ZNF559: variants seen among roughly 807,000 people sequenced by gnomAD.
ZNF559 encodes the protein putative protein product of Nbla00121.
A neutral mutation model predicts 14.2 loss-of-function variants in ZNF559; 17 were observed. The ratio of observed to expected loss-of-function variants is 1.20; its 90% CI spans 0.82 to 1.80. The LOEUF (loss-of-function observed/expected upper bound fraction) is 1.80. Among genes scored for constraint, ZNF559 ranks in the 40% most tolerant of loss-of-function variants. The pLI, the probability that ZNF559 is intolerant of heterozygous loss-of-function variation, is 0.00. For synonymous variants in ZNF559, 244 were observed against 212.4 expected (o/e 1.15, Z -1.29); for missense variants, 740 against 629.7 (o/e 1.18, Z -1.88).
intron 2 of ZNF559, among the ~76,000 whole-genome samples, chr19:9,325,636 C>G (rs769446904): frequency 6.6e-6 from 1 of 151,900 alleles, no homozygotes; most frequent in Non-Finnish European, 1.5e-5. Context: ...ACTCAAAATA[C>G]AAAAAATTAG....
rs889075636 is a variant in ZNF559 at position 9,329,952 on chromosome 19, G to A, written c.-120+5172G>A. ...GCTGGGATTACAGGTGTGAGCCACC[G>A]TGCCCCACCTGTTTGTTTTAACCAT... On this transcript the variant is annotated intron_variant, in intron 2 of 6. Coordinates refer to ENST00000603380, the MANE Select transcript of ZNF559 (RefSeq NM_032497.3). 3.3e-5 allele frequency among the ~76,000 whole-genome samples: 5 copies of A among 152,090 alleles called. No homozygotes were observed. In the East Asian group the frequency reaches 5.8e-4, roughly 18 times the overall value.
rs996222704 is a variant in ZNF559, at chr19:9,343,059, A to C, written c.1608A>C (p.Glu536Asp). 7.5e-6 allele frequency: 12 copies of C among 1,608,906 alleles called. No individual in the cohort carries two copies. The highest frequency in any genetic ancestry group is 2.7e-5 in the African/African-American group (2 of 74,838). The change falls in exon 7 of 7, where the codon GAA becomes GAC. Residue 536 changes from glutamate (E) to aspartate (D), a missense_variant. Coordinates refer to ENST00000603380, the MANE Select transcript of ZNF559 (RefSeq NM_032497.3). The stretch of plus-strand genomic sequence containing the variant: ...TTAGTAATTCCTCATGCCTTACTGA[A>C]TGTGTGTGAATTGGGGCTGATACTT... ...QTFSNSSCLT[E>D]CV
intron 4 of ZNF559, 54 bp from the exon 5 acceptor site, chr19:9,339,139 T>C: frequency 3.1e-6 from 5 of 1,609,594 alleles, no homozygotes; most frequent in Non-Finnish European, 4.2e-6. Context: ...CATTCTCCAG[T>C]CAACATAGTG....
rs2067672419 is a variant in ZNF559, at chr19:9,343,753, C to T, written c.*685C>T. 1 of 985,876 alleles carries T rather than the reference C, an allele frequency of 1.0e-6. No homozygotes were observed. The allele number at this position is 985,876 out of a possible 1,614,324, so 61.1% of individuals were successfully genotyped here. Reference sequence around the variant, plus strand: ...GTATTAATTTACATGCAAAAAGTCACACTAGAGGAATGCCATATCAGAATG... The same window carrying T: ...GTATTAATTTACATGCAAAAAGTCATACTAGAGGAATGCCATATCAGAATG... On this transcript the variant is annotated 3_prime_UTR_variant, in exon 7 of 7. Coordinates refer to ENST00000603380, the MANE Select transcript of ZNF559 (RefSeq NM_032497.3).
intron 2 of ZNF559, among the ~76,000 whole-genome samples, chr19:9,329,852 C>T (rs745797226): frequency 1.5e-4 from 23 of 152,210 alleles, no homozygotes; most frequent in Non-Finnish European, 2.6e-4. Context: ...TTAGTAGAAA[C>T]GGGGTTTCAC....
rs746146098 is a variant in ZNF559 at position 9,341,082 on chromosome 19, T to A, written c.161-20T>A. On this transcript the variant is annotated intron_variant, in intron 5 of 6. Coordinates refer to ENST00000603380, the MANE Select transcript of ZNF559 (RefSeq NM_032497.3). ...TCATTATTTCTCTAAGAACTTAAAA[T>A]TTTTTTCATCTTATTTCAGATTGGG... The A allele has an allele frequency of 2.5e-6, 4 of 1,581,758 alleles. No individual in the cohort carries two copies. The African/African-American group carries it at 4.1e-5, about 16-fold the overall frequency.
chr19:9,338,505 C>T lies in ZNF559; in HGVS notation c.-45C>T, dbSNP rs1292023779. On this transcript the variant is annotated 5_prime_UTR_variant, in exon 4 of 7. Coordinates refer to ENST00000603380, the MANE Select transcript of ZNF559 (RefSeq NM_032497.3). ...TTCTTCTTCTTAAGATCATCTTTCT[C>T]AAGATGTTTTCTGTCTTCATGAGTC... The T allele has an allele frequency of 1.9e-6, 3 of 1,612,494 alleles. No individual in the cohort carries two copies. The highest frequency in any genetic ancestry group is 2.2e-5 in the East Asian group (1 of 44,874).
At chr19:9,336,904 T>C (rs531826093) in intron 2 of ZNF559, among the ~76,000 whole-genome samples, 1 of 152,290 alleles carries the variant, frequency 6.6e-6, no homozygotes, top group South Asian at 2.1e-4. Context: ...CGCTCAGTGA[T>C]GGAAGCACTC....
Position 9,343,264 on chromosome 19 carries a change from C to T in ZNF559, c.*196C>T. ...GAATGTGGGAAAATCTTGGCTCCTT[C>T]CATAGGCCTTACTATTCATGTGTCT... is the stretch of plus-strand genomic sequence containing the variant. On this transcript the variant is annotated 3_prime_UTR_variant, in exon 7 of 7. Transcript: ENST00000603380. 7.2e-7 allele frequency: 1 copy of T among 1,398,328 alleles called. No homozygotes were observed. The highest frequency in any genetic ancestry group is 1.4e-5 in the African/African-American group (1 of 69,100). The allele number at this position is 1,398,328 out of a possible 1,614,324, so 86.6% of individuals were successfully genotyped here. A position where few individuals can be genotyped will look rare whatever the true frequency, so the allele number is the denominator to read the frequency against.
At position 9,339,767 on chromosome 19, in the gene ZNF559, C is replaced by CTT. The variant is rs200842205; in HGVS notation, c.160+466_160+467dup. On this transcript the variant is annotated intron_variant, in intron 5 of 6. Transcript: ENST00000603380. ...TTTGTTATCCCTTGCACATTCTTTA[C>CTT]TTTTTTTTTTTTTTTTTTTGAGACA... is the stretch of plus-strand genomic sequence containing the variant. Among the ~76,000 whole-genome samples the CTT allele has an allele frequency of 3.0e-3, 407 of 134,544 alleles. 3 individuals are homozygous for CTT. The highest frequency in any genetic ancestry group is 0.011 in the African/African-American group (385 of 35,392). The allele number at this position is 134,544 out of a possible 152,430, so 88.3% of individuals were successfully genotyped here.
At position 9,343,168 on chromosome 19, in the gene ZNF559, A is replaced by C; in HGVS notation, c.*100A>C. ...AGTGGCAATGTACACAGTCATAAGGAATGTGGGAAGCCTTCCTTGGTGTCT... is the reference window on the plus strand; with the variant it reads ...AGTGGCAATGTACACAGTCATAAGGCATGTGGGAAGCCTTCCTTGGTGTCT... On this transcript the variant is annotated 3_prime_UTR_variant, in exon 7 of 7. Transcript: ENST00000603380. 5 of 1,505,524 alleles carry C rather than the reference A, an allele frequency of 3.3e-6. No homozygotes were observed. The highest frequency in any genetic ancestry group is 4.4e-6 in the Non-Finnish European group (5 of 1,135,904). The allele number at this position is 1,505,524 out of a possible 1,614,324, so 93.3% of individuals were successfully genotyped here. A position where few individuals can be genotyped will look rare whatever the true frequency, so the allele number is the denominator to read the frequency against.
chr19:9,338,868 T>A (rs2067384819), intron 4 of ZNF559, among the ~76,000 whole-genome samples: 1 of 152,228 alleles, frequency 6.6e-6, no homozygotes, highest in African/African-American at 2.4e-5. Context: ...TTCTCGGAAT[T>A]TGTGCTGTCA....
intron 2 of ZNF559, among the ~76,000 whole-genome samples, chr19:9,335,307 A>T (rs1468745537): frequency 6.6e-6 from 1 of 151,770 alleles, no homozygotes; most frequent in African/African-American, 2.4e-5. Context: ...TGCCAAAAAA[A>T]TTTTTAATTG....
rs1425563512 is a variant in ZNF559, at chr19:9,341,947, A to G, written c.496A>G (p.Lys166Glu). Residue 166 changes from lysine to glutamate, a missense_variant, in exon 7 of 7, where the codon AAA (lysine) becomes GAA (glutamate). Transcript: ENST00000603380. ...CCAACATCTACATCTTGTTTGCAAG[A>G]AAACTAGCCAAAATCTACATCTTGT... ...FSQHLHLVCK[K>E]TSQNLHLVCK... is the part of the protein sequence containing the mutation. 1.2e-6 allele frequency: 2 copies of G among 1,613,800 alleles called. No individual in the cohort carries two copies. The highest frequency in any genetic ancestry group is 4.5e-5 in the East Asian group (2 of 44,880).
At chr19:9,338,127 A>C (rs1424070762) in intron 3 of ZNF559, 24 of 920,600 alleles carry the variant, frequency 2.6e-5, no homozygotes, top group African/African-American at 4.9e-5. Context: ...AGATACCTAG[A>C]AGAGGCTAAA....
chr19:9,337,845 C>G lies in ZNF559; in HGVS notation c.-70C>G. On this transcript the variant is annotated 5_prime_UTR_variant, in exon 3 of 7. Coordinates refer to ENST00000603380, the MANE Select transcript of ZNF559 (RefSeq NM_032497.3). Reference sequence around the variant, plus strand: ...GATGACAGATGAGTAATGCCTGTTGCTGAAAGATTGACGGTATGAGGCAAG... The same window carrying G: ...GATGACAGATGAGTAATGCCTGTTGGTGAAAGATTGACGGTATGAGGCAAG... 6.7e-7 allele frequency: 1 copy of G among 1,489,730 alleles called. No individual in the cohort carries two copies. The highest frequency in any genetic ancestry group is 2.1e-5 in the Admixed American group (1 of 47,158). 92.3% of individuals were successfully genotyped at this position (1,489,730 alleles called of 1,614,324 possible). A position where few individuals can be genotyped will look rare whatever the true frequency, so the allele number is the denominator to read the frequency against.
chr19:9,326,986 C>T (rs1279028486), intron 2 of ZNF559, among the ~76,000 whole-genome samples: 2 of 152,118 alleles, frequency 1.3e-5, no homozygotes, highest in Non-Finnish European at 2.9e-5. Flanking sequence ...CCACATGGGG[C>T]TAGTGGCTGT....
At chr19:9,326,625 A>T (rs2066621035) in intron 2 of ZNF559, among the ~76,000 whole-genome samples, 1 of 152,234 alleles carries the variant, frequency 6.6e-6, no homozygotes, top group Non-Finnish European at 1.5e-5. Flanking sequence ...CAAATTAGAA[A>T]ATGTTAAATG....
At chr19:9,336,393 A>G (rs902830442) in intron 2 of ZNF559, among the ~76,000 whole-genome samples, 13 of 152,014 alleles carry the variant, frequency 8.6e-5, no homozygotes, top group African/African-American at 3.1e-4. Context: ...GGAGTTCGAG[A>G]CCAGCCTGAC....
Sources: allele counts gnomAD v4.1 joint callset (sites outside exome capture counted in the v4.1 genomes callset), GRCh38; gene constraint gnomAD v4.1.1; transcripts MANE v1.5; gene names NCBI Gene and HGNC (gene_info 2026-07-23, HGNC 2026-07-21).